Variants in COL4A3 observed in about 807,000 individuals in gnomAD.
The protein encoded by COL4A3 is collagen alpha-3(IV) chain.
A neutral mutation model predicts 217.4 loss-of-function variants in COL4A3; 135 were observed. The observed-to-expected ratio is 0.62, with a 90% CI of 0.54 to 0.72. The LOEUF (loss-of-function observed/expected upper bound fraction) is 0.72. Ranked by LOEUF, COL4A3 falls within the 30% of genes least tolerant of loss-of-function variation. COL4A3 has a pLI of 0.00. For missense variants in COL4A3, 1,868 were observed against 2,119.9 expected, an observed-to-expected ratio of 0.88 and a Z score of 2.33; for synonymous variants, 690 against 736.3, an observed-to-expected ratio of 0.94 and a Z score of 1.02.
At chr2:227,200,201 C>A (rs1016050167) in intron 1 of COL4A3, among the ~76,000 whole-genome samples, 1 of 152,180 alleles carries the variant, frequency 6.6e-6, no homozygotes, top group Non-Finnish European at 1.5e-5. Flanking sequence ...AAGTTTGTAT[C>A]TTTACATAGT....
At chr2:227,178,428 T>G (rs1408286298) in intron 1 of COL4A3, among the ~76,000 whole-genome samples, 1 of 152,198 alleles carries the variant, frequency 6.6e-6, no homozygotes, top group Non-Finnish European at 1.5e-5. Context: ...ATACTATATA[T>G]AGAGTTCCAT....
At chr2:227,291,697 ATCTT>A (rs1233625105) in intron 37 of COL4A3, among the ~76,000 whole-genome samples, 1 of 152,122 alleles carries the variant, frequency 6.6e-6, no homozygotes, top group Non-Finnish European at 1.5e-5. Context: ...AGATACATTT[ATCTT>A]TCTTGTTTTA....
chr2:227,190,957 G>A (rs2066215920), intron 1 of COL4A3, among the ~76,000 whole-genome samples: 1 of 152,112 alleles, frequency 6.6e-6, no homozygotes, highest in South Asian at 2.1e-4. Context: ...GCAAATCATA[G>A]TTTACTACTT....
In COL4A3 at chr2:227,254,037, G is replaced by C. The variant is rs75058990; in HGVS notation, c.766-75G>C. ...AAACCCAGTTTATTGAACAGATAGA[G>C]GATTTGTCCCACTGTTGAATCAGTG... On this transcript the variant is annotated intron_variant, in intron 13 of 51. Coordinates refer to ENST00000396578, the MANE Select transcript of COL4A3 (RefSeq NM_000091.5). The C allele has an allele frequency of 3.8e-3, 5,069 of 1,340,262 alleles. 145 individuals carry two copies. The African/African-American group carries it at 0.064, about 17-fold the overall frequency. The allele number at this position is 1,340,262 out of a possible 1,614,324, so 83.0% of individuals were successfully genotyped here. A position where few individuals can be genotyped will look rare whatever the true frequency, so the allele number is the denominator to read the frequency against.
chr2:227,287,355 C>T (rs1314563434), intron 34 of COL4A3, among the ~76,000 whole-genome samples: 4 of 151,760 alleles, frequency 2.6e-5, no homozygotes, highest in African/African-American at 9.7e-5. Flanking sequence ...CACTTGAACC[C>T]GGAAGGCGGA....
At chr2:227,247,621 T>C (rs2069429789) in intron 8 of COL4A3, 37 bp downstream of exon 8, 5 of 1,601,710 alleles carry the variant, frequency 3.1e-6, no homozygotes, top group Non-Finnish European at 4.3e-6. Context: ...TGAAAATCTC[T>C]AACTGTACAT....
intron 34 of COL4A3, among the ~76,000 whole-genome samples, chr2:227,286,790 C>G (rs2072355994): frequency 6.6e-6 from 1 of 152,222 alleles, no homozygotes; most frequent in African/African-American, 2.4e-5. Flanking sequence ...CTTTCCAAGG[C>G]TCCCTGTGCT....
intron 11 of COL4A3, among the ~76,000 whole-genome samples, chr2:227,252,099 G>GTTTAATTGTTAGTTTAATTATAAACTAAA (rs2069786461): frequency 6.8e-6 from 1 of 147,694 alleles, no homozygotes; most frequent in South Asian, 2.1e-4. Flanking sequence ...AAACAGAAGT[G>GTTTAATTGTTAGTTTAATTATAAACTAAA]CAATTGTTAG....
At position 227,273,001 on chromosome 2, in the gene COL4A3, C is replaced by A; in HGVS notation, c.1811C>A (p.Pro604His). The change falls in exon 26 of 52, where the codon CCT becomes CAT. Residue 604 changes from proline (P) to histidine (H), a missense_variant. Pro to His is a moderately conservative substitution (Grantham distance 77). Around this residue, in one of 2 missense-constraint regions of COL4A3, gnomAD observed 1,503 missense variants for 1,786.1 expected, o/e 0.84. Transcript: ENST00000396578. ...DQGPPGDPGS[P>H]GSPGPAGPAG... ...GGTCCTCCAGGGGATCCTGGCTCCCCTGGGTCCCCAGGACCTGCAGGACCA... is the reference window on the plus strand; with the variant it reads ...GGTCCTCCAGGGGATCCTGGCTCCCATGGGTCCCCAGGACCTGCAGGACCA... 1 of 1,614,106 alleles carries A rather than the reference C, an allele frequency of 6.2e-7. No individual in the cohort carries two copies. The highest frequency in any genetic ancestry group is 8.5e-7 in the Non-Finnish European group (1 of 1,179,990).
intron 39 of COL4A3, 37 bp downstream of exon 39, chr2:227,294,607 T>C: frequency 7.2e-7 from 1 of 1,395,142 alleles, no homozygotes. Flanking sequence ...CCTTTTCATG[T>C]GGGAGACACA....
intron 1 of COL4A3, among the ~76,000 whole-genome samples, chr2:227,188,246 G>T (rs1228376117): frequency 6.6e-6 from 1 of 151,826 alleles, no homozygotes; most frequent in Non-Finnish European, 1.5e-5. Context: ...ATCACTTTTA[G>T]TATCAATATC....
rs1478233880 is a variant in COL4A3, at chr2:227,289,735, C to G, written c.2981-264C>G. 2.6e-5 allele frequency among the ~76,000 whole-genome samples: 4 copies of G among 152,234 alleles called. No homozygotes were observed. In the East Asian group the frequency reaches 7.7e-4, roughly 29 times the overall value. On this transcript the variant is annotated intron_variant, in intron 35 of 51. Transcript: ENST00000396578. ...ATTACCATATGTTTGCAGGAGCCCA[C>G]TTTTTTCCCGCTGGTGTTGGTCCTA...
intron 23 of COL4A3, among the ~76,000 whole-genome samples, chr2:227,267,756 T>A (rs957645038): frequency 4.0e-5 from 6 of 149,448 alleles, no homozygotes; most frequent in South Asian, 2.1e-4. Flanking sequence ...GGTGTTTTTT[T>A]AAAAAAATAT....
chr2:227,188,030 C>T (rs1239054157), intron 1 of COL4A3, among the ~76,000 whole-genome samples: 1 of 151,914 alleles, frequency 6.6e-6, no homozygotes, highest in Admixed American at 6.6e-5. Context: ...AACAGCAGCC[C>T]CCACTGTTTT....
rs2073795037 is a variant in COL4A3, at chr2:227,312,935, A to AAG, written c.*1066_*1067insGA. 1 of 152,470 alleles carries AAG rather than the reference A, an allele frequency of 6.6e-6. No individual in the cohort carries two copies. 9.4% of individuals were successfully genotyped at this position (152,470 alleles called of 1,614,324 possible). On this transcript the variant is annotated 3_prime_UTR_variant, in exon 52 of 52. Transcript: ENST00000396578. ...TCTAATTCTTCCTTTGTAAAAAAAA[A>AAG]AAAAAGCAACACTTTTTATGTTATA...
intron 50 of COL4A3, among the ~76,000 whole-genome samples, chr2:227,309,604 A>ATT (rs964545721): frequency 6.6e-6 from 1 of 151,432 alleles, no homozygotes; most frequent in African/African-American, 2.4e-5. Flanking sequence ...TCTTTTTATT[A>ATT]TTTTTTTTAT....
At chr2:227,297,266 T>G (rs1470629109) in intron 41 of COL4A3, among the ~76,000 whole-genome samples, 1 of 152,236 alleles carries the variant, frequency 6.6e-6, no homozygotes, top group African/African-American at 2.4e-5. Context: ...AATGTCAACA[T>G]GACTAAGTTA....
At chr2:227,194,142 T>A (rs2066378910) in intron 1 of COL4A3, among the ~76,000 whole-genome samples, 1 of 150,876 alleles carries the variant, frequency 6.6e-6, no homozygotes, top group Non-Finnish European at 1.5e-5. Context: ...TTCCAAAGAG[T>A]CTTCTGAAGA....
intron 1 of COL4A3, among the ~76,000 whole-genome samples, chr2:227,173,493 G>A (rs2065565161): frequency 6.6e-6 from 1 of 152,056 alleles, no homozygotes; most frequent in African/African-American, 2.4e-5. Context: ...ATGCTAATTA[G>A]GGCCTCCGAT....
Sources: gnomAD v4.1 joint callset for allele counts (sites outside exome capture counted in the v4.1 genomes callset) on GRCh38, gnomAD v4.1.1 for gene constraint, gnomAD v4.1.1 regional missense constraint, MANE v1.5 for transcripts, NCBI Gene and HGNC (gene_info 2026-07-23, HGNC 2026-07-21) for gene names.